FAM83B: variants seen among roughly 807,000 people sequenced by gnomAD.
FAM83B encodes protein FAM83B.
FAM83B carries 26 observed loss-of-function variants against 38.8 expected under a neutral mutation model. The ratio of observed to expected loss-of-function variants is 0.67; its 90% CI spans 0.49 to 0.93. FAM83B has a LOEUF of 0.93. Ranked by LOEUF, FAM83B falls within the 40% of genes least tolerant of loss-of-function variation. The probability of loss-of-function intolerance (pLI) is 0.00; values close to 1 mark genes in which losing one functional copy is unlikely to be tolerated. For missense variants in FAM83B, 1,237 were observed against 1,197.3 expected (o/e 1.03, Z -0.49); for synonymous variants, 419 against 423.1 (o/e 0.99, Z 0.12).
chr6:54,852,336 A>G (rs572501278), intron 1 of FAM83B, among the ~76,000 whole-genome samples: 9 of 152,308 alleles, frequency 5.9e-5, no homozygotes, highest in African/African-American at 2.2e-4. Flanking sequence ...AATTCTCACA[A>G]TATTTCAAAC....
chr6:54,871,555 C>T (rs1371650607), intron 2 of FAM83B, among the ~76,000 whole-genome samples: 3 of 127,150 alleles, frequency 2.4e-5, no homozygotes, highest in East Asian at 2.2e-4. Flanking sequence ...CTCGTCTCTA[C>T]AATAATAATA....
chr6:54,898,009 C>G (rs967172727), intron 2 of FAM83B, among the ~76,000 whole-genome samples: 1 of 152,084 alleles, frequency 6.6e-6, no homozygotes, highest in African/African-American at 2.4e-5. Context: ...GTCATGTATA[C>G]TTTTTGGTTG....
chr6:54,866,336 T>C (rs1474709544), intron 1 of FAM83B, among the ~76,000 whole-genome samples: 2 of 152,134 alleles, frequency 1.3e-5, no homozygotes, highest in Non-Finnish European at 2.9e-5. Flanking sequence ...TTGTATCCTT[T>C]ACCCAGTTTT....
chr6:54,870,334 G>A lies in FAM83B; in HGVS notation c.88G>A (p.Val30Ile). Residue 30 changes from valine to isoleucine, a missense_variant, in exon 2 of 5, where the codon GTA (valine) becomes ATA (isoleucine). Transcript: ENST00000306858. ...GCCTCACTACAAGGAATGGTATCGA[G>A]TAGCCATTGATATTCTGATTGAACA... ...IEPHYKEWYRVAIDILIEHGL... is the reference protein window; with the variant it reads ...IEPHYKEWYRIAIDILIEHGL... 6.2e-7 allele frequency: 1 copy of A among 1,613,954 alleles called. No homozygotes were observed. The highest frequency in any genetic ancestry group is 8.5e-7 in the Non-Finnish European group (1 of 1,179,890).
Position 54,850,713 on chromosome 6 carries a change from A to T in FAM83B, c.-61+3887A>T, listed in dbSNP as rs181876344. Reference sequence around the variant, plus strand: ...TAGTCTCATAAGACTCATTCAACAGATGTTTTAAAAGTACTATATTTTAAC... The same window carrying T: ...TAGTCTCATAAGACTCATTCAACAGTTGTTTTAAAAGTACTATATTTTAAC... On this transcript the variant is annotated intron_variant, in intron 1 of 4. Coordinates refer to ENST00000306858, the MANE Select transcript of FAM83B (RefSeq NM_001010872.3). Among the ~76,000 whole-genome samples the T allele has an allele frequency of 3.9e-5, 6 of 152,288 alleles. No individual in the cohort carries two copies. In the East Asian group the frequency reaches 5.8e-4, roughly 15 times the overall value.
At position 54,940,284 on chromosome 6, in the gene FAM83B, A is replaced by C. The variant is rs1773639590; in HGVS notation, c.1313A>C (p.Asn438Thr). ...SSREGYVSHH[N>T]TPAQSFANRL... ...CGGGAAGGCTATGTAAGCCACCACAACACACCTGCCCAGAGTTTTGCCAAT... is the reference window on the plus strand; with the variant it reads ...CGGGAAGGCTATGTAAGCCACCACACCACACCTGCCCAGAGTTTTGCCAAT... The change falls in exon 5 of 5, where the codon AAC (asparagine) becomes ACC (threonine). Residue 438 changes from asparagine (N) to threonine (T), a missense_variant. By Grantham distance (65) the Asn-to-Thr change is moderately conservative (BLOSUM62 0). Coordinates refer to ENST00000306858, the MANE Select transcript of FAM83B (RefSeq NM_001010872.3). 1 of 1,613,984 alleles carries C rather than the reference A, an allele frequency of 6.2e-7. No individual in the cohort carries two copies. Among genetic ancestry groups the C allele is most frequent in the Non-Finnish European group, 8.5e-7 (1 of 1,180,016 alleles).
At chr6:54,887,010 CTTTT>C (rs1772292359) in intron 2 of FAM83B, among the ~76,000 whole-genome samples, 1 of 151,900 alleles carries the variant, frequency 6.6e-6, no homozygotes, top group Admixed American at 6.6e-5. Flanking sequence ...GAATTTTTAT[CTTTT>C]TGTCGTTGAA....
At chr6:54,863,603 A>C (rs1771636249) in intron 1 of FAM83B, among the ~76,000 whole-genome samples, 1 of 128,282 alleles carries the variant, frequency 7.8e-6, no homozygotes, top group South Asian at 2.5e-4. Flanking sequence ...TGCATCTCCT[A>C]GTGTTCTCTT....
chr6:54,928,099 G>C (rs1239763558), intron 4 of FAM83B, among the ~76,000 whole-genome samples: 5 of 152,128 alleles, frequency 3.3e-5, no homozygotes, highest in Admixed American at 3.3e-4. Flanking sequence ...AGGCTGGCTC[G>C]AGAGTGTAAA....
At chr6:54,866,202 T>A (rs1405374035) in intron 1 of FAM83B, among the ~76,000 whole-genome samples, 1 of 134,154 alleles carries the variant, frequency 7.5e-6, no homozygotes. Context: ...GTGCTATAGG[T>A]TTTTTTTTTT....
intron 2 of FAM83B, among the ~76,000 whole-genome samples, chr6:54,871,389 CA>C (rs201019557): frequency 0.011 from 1,677 of 151,398 alleles, 41 homozygotes; most frequent in African/African-American, 0.038. Context: ...TTGGAGACTA[CA>C]AAAAAATTTG....
chr6:54,890,722 A>G (rs1035804746), intron 2 of FAM83B, among the ~76,000 whole-genome samples: 3 of 152,066 alleles, frequency 2.0e-5, no homozygotes, highest in African/African-American at 7.2e-5. Flanking sequence ...GTATCACTGC[A>G]TTCAATTTAT....
intron 1 of FAM83B, among the ~76,000 whole-genome samples, chr6:54,868,310 GCTAGTAGCC>G (rs1771766045): frequency 6.6e-6 from 1 of 152,034 alleles, no homozygotes; most frequent in Admixed American, 6.6e-5. Context: ...ATCATTAGAT[GCTAGTAGCC>G]CTCCTCCGCA....
At chr6:54,886,662 G>T (rs1004901581) in intron 2 of FAM83B, among the ~76,000 whole-genome samples, 3 of 151,512 alleles carry the variant, frequency 2.0e-5, no homozygotes, top group East Asian at 1.9e-4. Context: ...GTTCTTTTTC[G>T]TGACTAGTTT....
chr6:54,847,008 G>A (rs1232331625), intron 1 of FAM83B, among the ~76,000 whole-genome samples, 182 bp downstream of exon 1: 1 of 152,188 alleles, frequency 6.6e-6, no homozygotes, highest in Non-Finnish European at 1.5e-5. Flanking sequence ...AATTCCACAG[G>A]GTGTAAAGCT....
chr6:54,926,502 TGA>T lies in FAM83B; in HGVS notation c.579_580del (p.Lys194ThrfsTer41). The T allele has an allele frequency of 1.2e-6, 2 of 1,607,132 alleles. No individual in the cohort carries two copies. The highest frequency in any genetic ancestry group is 1.7e-6 in the Non-Finnish European group (2 of 1,175,682). On this transcript the variant is annotated frameshift_variant, in exon 3 of 5. Transcript: ENST00000306858. LOFTEE classifies it high-confidence loss of function. Reference protein sequence around the residue: ...SNFNHFLNMTEKQGCSVQRLR... With the variant: ...SNFNHFLNMTXKQGCSVQRLR... ...ATTTTAATCATTTTCTAAATATGAC[TGA>T]GAAACAAGGTTGTTCAGTTCAGCGT... is the stretch of plus-strand genomic sequence containing the variant.
intron 2 of FAM83B, among the ~76,000 whole-genome samples, chr6:54,898,422 T>C (rs911579037): frequency 6.6e-6 from 1 of 152,166 alleles, no homozygotes; most frequent in Non-Finnish European, 1.5e-5. Flanking sequence ...GGCTGGTCTT[T>C]GTAGGTCATT....
chr6:54,894,606 C>A (rs1772477569), intron 2 of FAM83B, among the ~76,000 whole-genome samples: 1 of 152,098 alleles, frequency 6.6e-6, no homozygotes, highest in Non-Finnish European at 1.5e-5. Context: ...AAGTAGAACT[C>A]CACAGGGGTT....
At chr6:54,925,578 T>G (rs142219031) in intron 2 of FAM83B, among the ~76,000 whole-genome samples, 3 of 152,314 alleles carry the variant, frequency 2.0e-5, no homozygotes, top group African/African-American at 7.2e-5. Context: ...TTTTTTCTTT[T>G]GCTTATTTTA....
Sources: allele counts gnomAD v4.1 joint callset (sites outside exome capture counted in the v4.1 genomes callset), GRCh38; gene constraint gnomAD v4.1.1; transcripts MANE v1.5; gene names NCBI Gene and HGNC (gene_info 2026-07-23, HGNC 2026-07-21).